The following SRGAP3 variants were observed in gnomAD, a reference collection of about 807,000 sequenced individuals.
The protein encoded by SRGAP3 is SLIT-ROBO Rho GTPase activating protein 3.
A neutral mutation model predicts 121.1 loss-of-function variants in SRGAP3; 39 were observed. That is an observed-to-expected ratio of 0.32 (90% confidence interval 0.25 to 0.42). The LOEUF (loss-of-function observed/expected upper bound fraction) is 0.42. Among genes scored for constraint, SRGAP3 ranks in the 10% least tolerant of loss-of-function variants. SRGAP3 has a pLI of 1.00. For missense variants in SRGAP3, 1,213 were observed against 1,470.6 expected, an observed-to-expected ratio of 0.82 and a Z score of 2.86; for synonymous variants, 601 against 570.0, an observed-to-expected ratio of 1.05 and a Z score of -0.77.
At chr3:9,203,533 G>A (rs1044830829) in intron 1 of SRGAP3, among the ~76,000 whole-genome samples, 1 of 152,178 alleles carries the variant, frequency 6.6e-6, no homozygotes, top group East Asian at 1.9e-4. Flanking sequence ...GCCCTCTACA[G>A]CCCTCAAAGG....
At position 9,239,604 on chromosome 3, in the gene SRGAP3, A is replaced by T. The variant is rs1953550112; in HGVS notation, c.67+9281T>A. 1.3e-5 allele frequency among the ~76,000 whole-genome samples: 2 copies of T among 152,202 alleles called. No homozygotes were observed. Among genetic ancestry groups the T allele is most frequent in the African/African-American group, 2.4e-5 (1 of 41,440 alleles). On this transcript the variant is annotated intron_variant, in intron 1 of 21. Transcript: ENST00000383836. The surrounding 1 kb of genome is among the most constrained non-coding windows in gnomAD (Gnocchi z 4.0). ...CAAGGAACCTGGAACACTCTGCTGC[A>T]GCAGTGTGCACCCCATTACCATCAC...
At chr3:9,242,633 TAAACA>T (rs757204852) in intron 1 of SRGAP3, among the ~76,000 whole-genome samples, 10 of 152,330 alleles carry the variant, frequency 6.6e-5, no homozygotes, top group East Asian at 3.9e-4. Context: ...AGACTCCATC[TAAACA>T]AAACAAAACA....
rs907030347 is a variant in SRGAP3, at chr3:9,249,145, G to A, written c.-194C>T. 7.7e-6 allele frequency: 5 copies of A among 649,690 alleles called. No individual in the cohort carries two copies. Among genetic ancestry groups the A allele is most frequent in the South Asian group, 5.5e-5 (3 of 54,754 alleles). The allele number at this position is 649,690 out of a possible 1,614,324, so 40.2% of individuals were successfully genotyped here. ...GGAAGGAAAAATCTCTTTACTTGCC[G>A]AGAAATGGCTCTAGTAGCTTGCCCT... On this transcript the variant is annotated 5_prime_UTR_variant, in exon 1 of 22. Coordinates refer to ENST00000383836, the MANE Select transcript of SRGAP3 (RefSeq NM_014850.4).
chr3:9,077,030 G>C (rs1351595145), intron 4 of SRGAP3, among the ~76,000 whole-genome samples: 5 of 151,746 alleles, frequency 3.3e-5, no homozygotes, highest in Non-Finnish European at 7.4e-5. Flanking sequence ...TGTTACGTAG[G>C]TATACATGTG....
At chr3:9,058,045 C>A (rs1441617481) in intron 7 of SRGAP3, among the ~76,000 whole-genome samples, 1 of 152,156 alleles carries the variant, frequency 6.6e-6, no homozygotes, top group Non-Finnish European at 1.5e-5. Context: ...AAGCCAAGGT[C>A]CTGTAATTCT....
chr3:9,306,366 C>G (rs1955161898), intron 3 of SRGAP3, among the ~76,000 whole-genome samples: 1 of 152,178 alleles, frequency 6.6e-6, no homozygotes, highest in Non-Finnish European at 1.5e-5. Flanking sequence ...TGTAGGTTGC[C>G]TGTTCACTCT....
intron 3 of SRGAP3, among the ~76,000 whole-genome samples, chr3:9,089,558 T>A (rs902180606): frequency 6.6e-6 from 1 of 152,198 alleles, no homozygotes; most frequent in African/African-American, 2.4e-5. Flanking sequence ...AGACACCACC[T>A]ACCTGTCCAA....
chr3:9,263,727 T>G (rs779470743), intron 3 of SRGAP3, among the ~76,000 whole-genome samples: 20 of 152,186 alleles, frequency 1.3e-4, no homozygotes, highest in Non-Finnish European at 2.6e-4. Flanking sequence ...GAAGCATAAT[T>G]AATAACCTAC....
chr3:9,003,689 C>T (rs1371211142), intron 18 of SRGAP3, among the ~76,000 whole-genome samples: 1 of 152,162 alleles, frequency 6.6e-6, no homozygotes, highest in African/African-American at 2.4e-5. Flanking sequence ...AAAGCACTGA[C>T]AAAATCTAAT....
chr3:9,188,231 G>A (rs1229964324), intron 1 of SRGAP3, among the ~76,000 whole-genome samples: 1 of 152,178 alleles, frequency 6.6e-6, no homozygotes, highest in Non-Finnish European at 1.5e-5. Flanking sequence ...GATAATTGAA[G>A]CAGGAGAGAG....
At chr3:9,041,028 T>C (rs1025701221) in intron 10 of SRGAP3, among the ~76,000 whole-genome samples, 2 of 152,176 alleles carry the variant, frequency 1.3e-5, no homozygotes, top group South Asian at 2.1e-4. Flanking sequence ...GTAGAATGAG[T>C]GAATGAATGA....
chr3:9,190,074 A>G (rs1951706612), intron 1 of SRGAP3, among the ~76,000 whole-genome samples: 1 of 152,240 alleles, frequency 6.6e-6, no homozygotes. Flanking sequence ...CAAGTAACCC[A>G]TCCAATATCC....
intron 1 of SRGAP3, among the ~76,000 whole-genome samples, chr3:9,136,222 ACACGGGCTCC>A (rs906565527): frequency 1.3e-5 from 2 of 152,104 alleles, no homozygotes; most frequent in African/African-American, 4.8e-5. Context: ...CGCTGCCCGG[ACACGGGCTCC>A]CCATTGCCGC....
At chr3:9,226,577 C>T (rs1456092839) in intron 1 of SRGAP3, among the ~76,000 whole-genome samples, 1 of 152,172 alleles carries the variant, frequency 6.6e-6, no homozygotes, top group African/African-American at 2.4e-5. Context: ...TTGGCAACTG[C>T]CTCACAGTGA....
chr3:9,037,836 A>G (rs73026074), intron 11 of SRGAP3: 2 of 606,596 alleles, frequency 3.3e-6, no homozygotes, highest in Non-Finnish European at 5.8e-6. Context: ...AGCAGCCCCA[A>G]AAGCGCCCCT....
At chr3:9,211,123 T>C (rs192072284) in intron 1 of SRGAP3, among the ~76,000 whole-genome samples, 2 of 152,328 alleles carry the variant, frequency 1.3e-5, no homozygotes, top group East Asian at 3.9e-4. Context: ...GAACATTTTC[T>C]TAGTAAGGTG....
At chr3:9,103,422 GC>G (rs1365020775) in intron 3 of SRGAP3, among the ~76,000 whole-genome samples, 1 of 152,180 alleles carries the variant, frequency 6.6e-6, no homozygotes, top group Admixed American at 6.5e-5. Flanking sequence ...GGAACAACAA[GC>G]CTGTTAATCC....
chr3:9,123,956 C>T (rs1263775906), intron 2 of SRGAP3, among the ~76,000 whole-genome samples: 1 of 151,908 alleles, frequency 6.6e-6, no homozygotes, highest in Non-Finnish European at 1.5e-5. Flanking sequence ...GAAGGAGAGA[C>T]AGTGCTGGCC....
At chr3:9,140,492 A>C (rs972623661) in intron 1 of SRGAP3, among the ~76,000 whole-genome samples, 2 of 152,226 alleles carry the variant, frequency 1.3e-5, no homozygotes, top group Non-Finnish European at 2.9e-5. Flanking sequence ...ATTACAGATA[A>C]ATTAATTTCA....
Sources: allele counts gnomAD v4.1 joint callset (sites outside exome capture counted in the v4.1 genomes callset), GRCh38; gene constraint gnomAD v4.1.1; non-coding constraint Gnocchi (gnomAD v3.1); transcripts MANE v1.5; gene names NCBI Gene and HGNC (gene_info 2026-07-23, HGNC 2026-07-21).